The following ARHGAP44 variants were observed in gnomAD, a reference collection of about 807,000 sequenced individuals.
The protein encoded by ARHGAP44 is rho GTPase-activating protein 44.
A neutral mutation model predicts 106.8 loss-of-function variants in ARHGAP44; 43 were observed. The observed-to-expected ratio is 0.40, with a 90% CI of 0.32 to 0.52. The LOEUF (loss-of-function observed/expected upper bound fraction) is 0.52. Among genes scored for constraint, ARHGAP44 ranks in the 20% least tolerant of loss-of-function variants. The pLI, the probability that ARHGAP44 is intolerant of heterozygous loss-of-function variation, is 0.48. For synonymous variants in ARHGAP44, 439 were observed against 410.3 expected (o/e 1.07, Z -0.85); for missense variants, 866 against 1,050.5 (o/e 0.82, Z 2.43).
At chr17:12,804,797 C>G (rs73978218) in intron 1 of ARHGAP44, among the ~76,000 whole-genome samples, 5,893 of 152,326 alleles carry the variant, frequency 0.039, 149 homozygotes, top group African/African-American at 0.054. Context: ...AGTTATACTT[C>G]TGCACACATC....
At chr17:12,962,113 G>A (rs2039278244) in intron 16 of ARHGAP44, among the ~76,000 whole-genome samples, 1 of 151,614 alleles carries the variant, frequency 6.6e-6, no homozygotes, top group South Asian at 2.1e-4. Context: ...TATCAATAAA[G>A]CAGATACTTA....
At position 12,791,506 on chromosome 17, in the gene ARHGAP44, T is replaced by C. The variant is rs2033756793; in HGVS notation, c.53+1615T>C. Among the ~76,000 whole-genome samples, 3 of 152,212 alleles carry C rather than the reference T, an allele frequency of 2.0e-5. No homozygotes were observed. In the South Asian group the frequency reaches 6.2e-4, roughly 31 times the overall value. On this transcript the variant is annotated intron_variant, in intron 1 of 20. Transcript: ENST00000379672. ...CTAGACTTGGGTTGCTGGTTTCTCT[T>C]GGTCTTGGGGTTTCAGTGCCGTGCT...
At chr17:12,818,731 G>T (rs2034674974) in intron 1 of ARHGAP44, among the ~76,000 whole-genome samples, 1 of 151,960 alleles carries the variant, frequency 6.6e-6, no homozygotes, top group African/African-American at 2.4e-5. Flanking sequence ...TTATGTGCAG[G>T]ATCCATGTGC....
chr17:12,970,025 G>T (rs2039486232), intron 16 of ARHGAP44, among the ~76,000 whole-genome samples: 1 of 152,032 alleles, frequency 6.6e-6, no homozygotes, highest in South Asian at 2.1e-4. Flanking sequence ...ATGCTGGCAG[G>T]CAGGGAAGAT....
intron 1 of ARHGAP44, among the ~76,000 whole-genome samples, chr17:12,870,376 C>T (rs1347943471): frequency 6.6e-6 from 1 of 152,126 alleles, no homozygotes; most frequent in Non-Finnish European, 1.5e-5. Flanking sequence ...AGGTTTTCTA[C>T]ATTTTTAGCC....
At chr17:12,973,413 C>A in intron 17 of ARHGAP44, 94 bp downstream of exon 17, 7 of 1,360,156 alleles carry the variant, frequency 5.1e-6, no homozygotes, top group Non-Finnish European at 7.2e-6. Flanking sequence ...GGTGAATGCG[C>A]CGCGTCTGGT....
At chr17:12,882,721 G>GTGA (rs1418371244) in intron 1 of ARHGAP44, among the ~76,000 whole-genome samples, 1 of 152,072 alleles carries the variant, frequency 6.6e-6, no homozygotes, top group Non-Finnish European at 1.5e-5. Context: ...ATTTGTGCAT[G>GTGA]TGATGAATTA....
intron 16 of ARHGAP44, among the ~76,000 whole-genome samples, chr17:12,960,556 A>G (rs1396549493): frequency 6.7e-6 from 1 of 150,094 alleles, no homozygotes; most frequent in Non-Finnish European, 1.5e-5. Context: ...ACAGAGCAAG[A>G]CTCCATCTCA....
chr17:12,836,717 A>G (rs1182278456), intron 1 of ARHGAP44, among the ~76,000 whole-genome samples: 1 of 152,176 alleles, frequency 6.6e-6, no homozygotes, highest in Non-Finnish European at 1.5e-5. Context: ...AGTTTATCAG[A>G]AACACACAAT....
chr17:12,801,986 C>A (rs1027554600), intron 1 of ARHGAP44, among the ~76,000 whole-genome samples: 1 of 152,100 alleles, frequency 6.6e-6, no homozygotes, highest in Non-Finnish European at 1.5e-5. Context: ...CCTAAAAAGT[C>A]TAAGTACAAA....
chr17:12,983,964 A>G (rs142323893), intron 19 of ARHGAP44, among the ~76,000 whole-genome samples: 442 of 152,342 alleles, frequency 2.9e-3, no homozygotes, highest in African/African-American at 0.01. Context: ...ATATAAAGTA[A>G]TGAAGGAACA....
chr17:12,926,364 GA>G (rs927335992), intron 6 of ARHGAP44, among the ~76,000 whole-genome samples: 7 of 140,918 alleles, frequency 5.0e-5, no homozygotes, highest in African/African-American at 1.0e-4. Flanking sequence ...GACTTGATAT[GA>G]AAAAAAAATT....
intron 1 of ARHGAP44, among the ~76,000 whole-genome samples, chr17:12,836,139 T>G (rs1480077771): frequency 1.3e-5 from 2 of 152,216 alleles, no homozygotes; most frequent in Non-Finnish European, 2.9e-5. Context: ...CTTTAAATTC[T>G]TTTAGAATTA....
intron 1 of ARHGAP44, among the ~76,000 whole-genome samples, chr17:12,794,275 C>G (rs2033853602): frequency 6.6e-6 from 1 of 152,026 alleles, no homozygotes; most frequent in East Asian, 1.9e-4. Flanking sequence ...GTAATGGTAC[C>G]TTGATTTGGT....
intron 1 of ARHGAP44, among the ~76,000 whole-genome samples, chr17:12,869,201 A>G (rs1178467219): frequency 6.6e-6 from 1 of 152,160 alleles, no homozygotes; most frequent in Non-Finnish European, 1.5e-5. Flanking sequence ...ATTTAAAAAT[A>G]ATGTCTAGAT....
At chr17:12,985,871 T>C (rs899147543) in intron 20 of ARHGAP44, 1 of 152,104 alleles carries the variant, frequency 6.6e-6, no homozygotes, top group African/African-American at 2.4e-5. Context: ...GCAGCTTGGG[T>C]TGGAACACAC....
intron 16 of ARHGAP44, among the ~76,000 whole-genome samples, chr17:12,962,080 A>AAT (rs201834415): frequency 0.079 from 11,890 of 150,426 alleles, 610 homozygotes; most frequent in Admixed American, 0.12. Flanking sequence ...GTTAAAAAAA[A>AAT]ATATATATAT....
At chr17:12,838,992 G>A (rs546945849) in intron 1 of ARHGAP44, among the ~76,000 whole-genome samples, 7 of 152,194 alleles carry the variant, frequency 4.6e-5, no homozygotes, top group Middle Eastern at 3.4e-3. Context: ...CAGACGTGAG[G>A]CACTGTGCCC....
intron 1 of ARHGAP44, among the ~76,000 whole-genome samples, chr17:12,871,880 A>G (rs1014018041): frequency 2.0e-5 from 3 of 152,154 alleles, no homozygotes; most frequent in Non-Finnish European, 4.4e-5. Flanking sequence ...AAGCCTCCCC[A>G]GAAGCCAAGC....
Sources: gnomAD v4.1 joint callset for allele counts (sites outside exome capture counted in the v4.1 genomes callset) on GRCh38, gnomAD v4.1.1 for gene constraint, MANE v1.5 for transcripts, NCBI Gene and HGNC (gene_info 2026-07-23, HGNC 2026-07-21) for gene names.